Variants in TRPM3 observed in about 807,000 individuals in gnomAD.
The protein encoded by TRPM3 is transient receptor potential cation channel subfamily M member 3, also known as long transient receptor potential channel 3.
TRPM3 carries 77 observed loss-of-function variants against 181.2 expected under a neutral mutation model. The ratio of observed to expected loss-of-function variants is 0.42; its 90% CI spans 0.35 to 0.51. The LOEUF (loss-of-function observed/expected upper bound fraction) is 0.51. Among genes scored for constraint, TRPM3 ranks in the 20% least tolerant of loss-of-function variants. The pLI is 0.01. For synonymous variants in TRPM3, 745 were observed against 796.4 expected (o/e 0.94, Z 1.09); for missense variants, 1,759 against 2,196.7 (o/e 0.80, Z 3.98).
intron 1 of TRPM3, among the ~76,000 whole-genome samples, chr9:71,353,479 G>A (rs2091755691): frequency 6.6e-6 from 1 of 152,146 alleles, no homozygotes; most frequent in Non-Finnish European, 1.5e-5. Context: ...ATCCATGGCA[G>A]AGTTAGGCTG....
At chr9:71,396,181 A>G (rs1054299645) in intron 1 of TRPM3, among the ~76,000 whole-genome samples, 1 of 152,140 alleles carries the variant, frequency 6.6e-6, no homozygotes, top group African/African-American at 2.4e-5. Flanking sequence ...AGAAGTTATC[A>G]CTGGTAATTT....
chr9:70,539,452 C>T (rs1707773599), intron 25 of TRPM3, among the ~76,000 whole-genome samples: 1 of 151,710 alleles, frequency 6.6e-6, no homozygotes, highest in Non-Finnish European at 1.5e-5. Context: ...TCCCAGCCTG[C>T]CCTCAAGAGC....
At chr9:70,977,064 C>G (rs1401479655) in intron 1 of TRPM3, among the ~76,000 whole-genome samples, 1 of 152,150 alleles carries the variant, frequency 6.6e-6, no homozygotes, top group African/African-American at 2.4e-5. Flanking sequence ...ATATGTGATA[C>G]AAAGACTATA....
intron 1 of TRPM3, among the ~76,000 whole-genome samples, chr9:71,217,447 G>A (rs1312220694): frequency 1.3e-5 from 2 of 152,190 alleles, no homozygotes; most frequent in Middle Eastern, 3.2e-3. Context: ...CCATAATAAA[G>A]TCAACGGCTA....
At chr9:70,918,593 A>AGC (rs2096624697) in intron 1 of TRPM3, among the ~76,000 whole-genome samples, 3 of 152,182 alleles carry the variant, frequency 2.0e-5, no homozygotes, top group African/African-American at 7.2e-5. Flanking sequence ...ACAACATACC[A>AGC]AAAACTGTGG....
chr9:70,631,052 T>C (rs1317709943), intron 12 of TRPM3, among the ~76,000 whole-genome samples: 2 of 152,180 alleles, frequency 1.3e-5, no homozygotes, highest in Non-Finnish European at 2.9e-5. Context: ...CCTTCTGAGA[T>C]ACATAAGATA....
intron 1 of TRPM3, among the ~76,000 whole-genome samples, chr9:71,058,376 ACTGCACAG>A (rs1356047500): frequency 6.6e-6 from 1 of 151,978 alleles, no homozygotes; most frequent in Non-Finnish European, 1.5e-5. Context: ...AGGGACGGAG[ACTGCACAG>A]CTGCACAGCT....
intron 1 of TRPM3, among the ~76,000 whole-genome samples, chr9:70,991,958 A>G (rs568740657): frequency 6.6e-6 from 1 of 152,128 alleles, no homozygotes; most frequent in South Asian, 2.1e-4. Flanking sequence ...AATCCTACTT[A>G]TCCTTTGAGG....
At chr9:70,740,899 C>T (rs923250543) in intron 8 of TRPM3, among the ~76,000 whole-genome samples, 1 of 152,164 alleles carries the variant, frequency 6.6e-6, no homozygotes, top group African/African-American at 2.4e-5. Flanking sequence ...TAGACATTGG[C>T]TCAGGCAAAG....
At position 71,121,444 on chromosome 9, in the gene TRPM3, T is replaced by G; in HGVS notation, c.-90A>C. The G allele has an allele frequency of 6.7e-7, 1 of 1,493,540 alleles. No homozygotes were observed. Among genetic ancestry groups the G allele is most frequent in the South Asian group, 1.4e-5 (1 of 72,230 alleles). 92.5% of individuals were successfully genotyped at this position (1,493,540 alleles called of 1,614,324 possible). Reference sequence around the variant, plus strand: ...AGTCAAGTAGCCTTGCCTGAGCCCCTGAACCTTCTTAAAACAGCCACCTCC... The same window carrying G: ...AGTCAAGTAGCCTTGCCTGAGCCCCGGAACCTTCTTAAAACAGCCACCTCC... On this transcript the variant is annotated 5_prime_UTR_variant, in exon 1 of 26. Coordinates refer to ENST00000677713, the MANE Select transcript of TRPM3 (RefSeq NM_001366145.2).
intron 1 of TRPM3, among the ~76,000 whole-genome samples, chr9:71,132,265 T>TG (rs1221101397): frequency 6.6e-6 from 1 of 152,220 alleles, no homozygotes; most frequent in Non-Finnish European, 1.5e-5. Context: ...CTCGATCTCT[T>TG]GTTCTTTGCC....
chr9:70,787,372 G>T (rs1279503074), intron 6 of TRPM3, among the ~76,000 whole-genome samples: 1 of 151,848 alleles, frequency 6.6e-6, no homozygotes, highest in Admixed American at 6.6e-5. Context: ...ATTTTTTTCA[G>T]TGATAATACA....
At chr9:70,863,145 T>G (rs756611811) in intron 2 of TRPM3, 33 bp from the exon 3 acceptor site, 2 of 1,584,614 alleles carry the variant, frequency 1.3e-6, no homozygotes, top group Non-Finnish European at 1.7e-6. Flanking sequence ...GAACCCCTGG[T>G]ATTAGTCACT....
At chr9:71,089,444 T>C (rs1393927280) in intron 1 of TRPM3, among the ~76,000 whole-genome samples, 1 of 151,822 alleles carries the variant, frequency 6.6e-6, no homozygotes, top group Non-Finnish European at 1.5e-5. Flanking sequence ...TGTGTCTATA[T>C]TATCTGTATC....
chr9:70,667,101 G>A (rs1277167841), intron 9 of TRPM3, among the ~76,000 whole-genome samples: 1 of 151,144 alleles, frequency 6.6e-6, no homozygotes, highest in Non-Finnish European at 1.5e-5. Context: ...ACTGCATCTC[G>A]CTGTTTATCT....
At chr9:71,021,548 T>C (rs1209108642) in intron 1 of TRPM3, among the ~76,000 whole-genome samples, 1 of 152,206 alleles carries the variant, frequency 6.6e-6, no homozygotes, top group African/African-American at 2.4e-5. Flanking sequence ...ATGAGATCTT[T>C]TTCAATTTTA....
chr9:70,574,078 A>C (rs1357601108), intron 22 of TRPM3, among the ~76,000 whole-genome samples: 1 of 131,530 alleles, frequency 7.6e-6, no homozygotes, highest in African/African-American at 2.8e-5. Context: ...CATGTCAGAC[A>C]CACACACGCG....
chr9:70,767,561 C>T lies in TRPM3; in HGVS notation c.1149-5837G>A, dbSNP rs573718487. Among the ~76,000 whole-genome samples, 5 of 152,240 alleles carry T rather than the reference C, an allele frequency of 3.3e-5. No homozygotes were observed. The South Asian group carries it at 1.0e-3, about 32-fold the overall frequency. ...ATTTAGGCAGGCACAATGGGGATGG[C>T]TCATTTTTCTCCAGCATACCTAGGG... On this transcript the variant is annotated intron_variant, in intron 7 of 25. Coordinates refer to ENST00000677713, the MANE Select transcript of TRPM3 (RefSeq NM_001366145.2).
chr9:71,429,736 T>A (rs935027627), intron 1 of TRPM3, among the ~76,000 whole-genome samples: 3 of 152,154 alleles, frequency 2.0e-5, no homozygotes, highest in South Asian at 2.1e-4. Context: ...GTCCCCCAAT[T>A]CATAGATTGA....
Sources: allele counts gnomAD v4.1 joint callset (sites outside exome capture counted in the v4.1 genomes callset), GRCh38; gene constraint gnomAD v4.1.1; transcripts MANE v1.5; gene names NCBI Gene and HGNC (gene_info 2026-07-23, HGNC 2026-07-21).